The following KCNQ5 variants were observed in gnomAD, a reference collection of about 807,000 sequenced individuals.
KCNQ5 encodes potassium voltage-gated channel subfamily Q member 5.
In KCNQ5, 30 loss-of-function variants were observed where a neutral mutation model predicts 98.2. The observed-to-expected ratio is 0.31, with a 90% CI of 0.23 to 0.41. The LOEUF is 0.41. Ranked by LOEUF, KCNQ5 falls within the 10% of genes least tolerant of loss-of-function variation. The pLI is 1.00. For synonymous variants in KCNQ5, 458 were observed against 449.4 expected (o/e 1.02, Z -0.24); for missense variants, 835 against 1,182.5 (o/e 0.71, Z 4.31).
intron 1 of KCNQ5, among the ~76,000 whole-genome samples, chr6:72,697,944 G>A (rs1285673463): frequency 1.3e-5 from 2 of 152,076 alleles, no homozygotes; most frequent in Admixed American, 6.5e-5. Flanking sequence ...AACTGGGGAC[G>A]GTGGCTCATG....
At chr6:72,829,071 C>G (rs970942206) in intron 1 of KCNQ5, among the ~76,000 whole-genome samples, 1 of 151,950 alleles carries the variant, frequency 6.6e-6, no homozygotes, top group Admixed American at 6.6e-5. Context: ...TCATGATAAA[C>G]CAGTTTGACT....
At chr6:72,913,641 T>G (rs894700931) in intron 1 of KCNQ5, among the ~76,000 whole-genome samples, 5 of 152,234 alleles carry the variant, frequency 3.3e-5, no homozygotes, top group African/African-American at 1.2e-4. Context: ...TTGTGTAAAG[T>G]CTATCTGTTC....
At chr6:73,133,225 T>C (rs1776307668) in intron 9 of KCNQ5, among the ~76,000 whole-genome samples, 196 bp from the exon 10 acceptor site, 1 of 152,172 alleles carries the variant, frequency 6.6e-6, no homozygotes, top group Non-Finnish European at 1.5e-5. Context: ...TAGAATGAGA[T>C]TGATCTCGAA....
intron 5 of KCNQ5, among the ~76,000 whole-genome samples, chr6:73,090,909 T>C (rs1481732891): frequency 2.6e-5 from 4 of 152,198 alleles, no homozygotes; most frequent in Admixed American, 6.5e-5. Context: ...TGCAAGACAG[T>C]GTGGCAACTC....
At chr6:73,070,642 G>A (rs1478639829) in intron 3 of KCNQ5, among the ~76,000 whole-genome samples, 1 of 152,142 alleles carries the variant, frequency 6.6e-6, no homozygotes, top group African/African-American at 2.4e-5. Flanking sequence ...GTTTCTAAGG[G>A]CATTCTTAGT....
At chr6:72,703,677 T>C (rs1768936604) in intron 1 of KCNQ5, among the ~76,000 whole-genome samples, 1 of 152,220 alleles carries the variant, frequency 6.6e-6, no homozygotes, top group African/African-American at 2.4e-5. Context: ...CGTATGTCAG[T>C]ATTTTTAAGT....
At chr6:72,941,370 TTCTTTCC>T (rs1766242360) in intron 1 of KCNQ5, among the ~76,000 whole-genome samples, 1 of 37,138 alleles carries the variant, frequency 2.7e-5, no homozygotes, top group Non-Finnish European at 1.5e-4. Flanking sequence ...TCTTCCTTCC[TTCTTTCC>T]TCCTTCCTTC....
intron 1 of KCNQ5, among the ~76,000 whole-genome samples, chr6:72,707,627 T>C (rs1248803563): frequency 2.0e-5 from 3 of 152,212 alleles, no homozygotes; most frequent in Non-Finnish European, 4.4e-5. Flanking sequence ...AAATTATATA[T>C]TAACCTGATA....
chr6:73,093,656 T>G (rs570882949), intron 5 of KCNQ5, among the ~76,000 whole-genome samples: 1 of 152,276 alleles, frequency 6.6e-6, no homozygotes, highest in African/African-American at 2.4e-5. Context: ...CTTGATTTCA[T>G]TTTTGGCCCA....
At chr6:72,716,769 AT>A (rs1769665434) in intron 1 of KCNQ5, among the ~76,000 whole-genome samples, 1 of 152,208 alleles carries the variant, frequency 6.6e-6, no homozygotes, top group Non-Finnish European at 1.5e-5. Flanking sequence ...AAGAGAGAAG[AT>A]TGTGTTTTCA....
At chr6:72,921,248 A>C (rs576849708) in intron 1 of KCNQ5, among the ~76,000 whole-genome samples, 1 of 152,368 alleles carries the variant, frequency 6.6e-6, no homozygotes, top group East Asian at 1.9e-4. Context: ...AGAAATAAAT[A>C]GGAAATGCTT....
intron 11 of KCNQ5, among the ~76,000 whole-genome samples, chr6:73,188,131 A>C (rs1241500421): frequency 3.3e-5 from 5 of 152,202 alleles, no homozygotes; most frequent in Admixed American, 2.0e-4. Context: ...CAGACTTCTC[A>C]ATTCTCCAGA....
At chr6:73,172,725 C>G (rs1001776064) in intron 11 of KCNQ5, among the ~76,000 whole-genome samples, 4 of 152,154 alleles carry the variant, frequency 2.6e-5, no homozygotes, top group Admixed American at 6.5e-5. Flanking sequence ...TATTATTCAT[C>G]TCAAAATAGT....
intron 1 of KCNQ5, among the ~76,000 whole-genome samples, chr6:72,723,615 T>C (rs1375888887): frequency 6.6e-6 from 1 of 152,186 alleles, no homozygotes; most frequent in Non-Finnish European, 1.5e-5. Flanking sequence ...GAACCTCTAT[T>C]CTCCCCTCAC....
intron 3 of KCNQ5, among the ~76,000 whole-genome samples, chr6:73,042,636 T>C (rs1405439965): frequency 6.6e-6 from 1 of 152,126 alleles, no homozygotes; most frequent in Non-Finnish European, 1.5e-5. Context: ...CTCTACACTC[T>C]GAAATATGAA....
chr6:73,119,930 G>T (rs1341928486), intron 7 of KCNQ5, among the ~76,000 whole-genome samples: 2 of 151,894 alleles, frequency 1.3e-5, no homozygotes, highest in Non-Finnish European at 2.9e-5. Flanking sequence ...TTTGCTTCTT[G>T]GTATGTTGTT....
intron 1 of KCNQ5, among the ~76,000 whole-genome samples, chr6:72,633,761 C>T (rs1001488072): frequency 3.3e-5 from 5 of 152,040 alleles, no homozygotes; most frequent in African/African-American, 4.8e-5. Context: ...TTCAATAAGG[C>T]CAACAAAAAC....
chr6:73,165,455 C>T (rs1269253458), intron 10 of KCNQ5, among the ~76,000 whole-genome samples: 6 of 152,184 alleles, frequency 3.9e-5, no homozygotes, highest in Admixed American at 6.5e-5. Flanking sequence ...TTACACAACC[C>T]CCTTGAATTT....
chr6:73,105,150 G>T, intron 5 of KCNQ5, 107 bp from the exon 6 acceptor site: 1 of 582,840 alleles, frequency 1.7e-6, no homozygotes. Context: ...GCACGAACAA[G>T]ATTTGTTGAA....
Sources: gnomAD v4.1 joint callset for allele counts (sites outside exome capture counted in the v4.1 genomes callset) on GRCh38, gnomAD v4.1.1 for gene constraint, MANE v1.5 for transcripts, NCBI Gene and HGNC (gene_info 2026-07-23, HGNC 2026-07-21) for gene names.